Variants in SLC25A11 observed in about 807,000 individuals in gnomAD.
SLC25A11 encodes solute carrier family 25 member 11, also known as mitochondrial 2-oxoglutarate/malate carrier protein.
In SLC25A11, 11 loss-of-function variants were observed where a neutral mutation model predicts 32.7. The observed-to-expected ratio is 0.34, with a 90% CI of 0.21 to 0.56. SLC25A11 has a LOEUF of 0.56. SLC25A11 is among the 20% of genes least tolerant of loss of function. The pLI, the probability that SLC25A11 is intolerant of heterozygous loss-of-function variation, is 0.90. For synonymous variants in SLC25A11, 163 were observed against 168.3 expected, an observed-to-expected ratio of 0.97 and a Z score of 0.24; for missense variants, 295 against 426.3, an observed-to-expected ratio of 0.69 and a Z score of 2.71.
At position 4,938,032 on chromosome 17, in the gene SLC25A11, C is replaced by T. The variant is rs1567650622; in HGVS notation, c.780G>A (p.Lys260=). The part of the protein sequence containing the change: ...MRMIDGKPEY[K]NGLDVLFKVV... ...AGAATGGCTTCCTCACCAGCCCGTTCTTGTATTCCGGCTTCCCATCAATCA... is the reference window on the plus strand; with the variant it reads ...AGAATGGCTTCCTCACCAGCCCGTTTTTGTATTCCGGCTTCCCATCAATCA... The change falls in exon 7 of 8, where the codon AAG becomes AAA. Residue 260 remains lysine, a synonymous_variant. Transcript: ENST00000225665. This position sits in a 1 kb window ranked among gnomAD's most constrained non-coding sequence, Gnocchi z 7.6. 1 of 1,614,186 alleles carries T rather than the reference C, an allele frequency of 6.2e-7. No individual in the cohort carries two copies. Among genetic ancestry groups the T allele is most frequent in the Non-Finnish European group, 8.5e-7 (1 of 1,180,032 alleles).
In SLC25A11 at chr17:4,938,481, C is replaced by A; in HGVS notation, c.546+31G>T. 1 of 1,613,594 alleles carries A rather than the reference C, an allele frequency of 6.2e-7. No individual in the cohort carries two copies. Among genetic ancestry groups the A allele is most frequent in the East Asian group, 2.2e-5 (1 of 44,882 alleles). On this transcript the variant is annotated intron_variant, in intron 4 of 7. Coordinates refer to ENST00000225665, the MANE Select transcript of SLC25A11 (RefSeq NM_003562.5). The surrounding 1 kb of genome is among the most constrained non-coding windows in gnomAD (Gnocchi z 7.6). ...CAGAAACCCCTAAAACCAGACCTCACAGCCCCCAAGTCTCCAGCCCCTCCA... is the reference window on the plus strand; with the variant it reads ...CAGAAACCCCTAAAACCAGACCTCAAAGCCCCCAAGTCTCCAGCCCCTCCA...
In SLC25A11 at chr17:4,939,321, A is replaced by C; in HGVS notation, c.96-109T>G. ...AAGGTCAGGGCCTGCCATGCGATTCAAGAATCAGGATGCTGGTGAGCATGT... is the reference window on the plus strand; with the variant it reads ...AAGGTCAGGGCCTGCCATGCGATTCCAGAATCAGGATGCTGGTGAGCATGT... On this transcript the variant is annotated intron_variant, in intron 1 of 7. Coordinates refer to ENST00000225665, the MANE Select transcript of SLC25A11 (RefSeq NM_003562.5). This position sits in a 1 kb window ranked among gnomAD's most constrained non-coding sequence, Gnocchi z 4.1. 10 of 1,216,444 alleles carry C rather than the reference A, an allele frequency of 8.2e-6. No homozygotes were observed. In the South Asian group the frequency reaches 1.3e-4, roughly 16 times the overall value. 75.4% of individuals were successfully genotyped at this position (1,216,444 alleles called of 1,614,324 possible).
intron 7 of SLC25A11, 29 bp from the exon 8 acceptor site, chr17:4,937,925 C>G (rs1454833183): frequency 6.2e-7 from 1 of 1,612,348 alleles, no homozygotes; most frequent in South Asian, 1.1e-5. Flanking sequence ...GGCGCTGGGG[C>G]TAGGACTCTA....
intron 7 of SLC25A11, 45 bp from the exon 8 acceptor site, chr17:4,937,941 C>T: frequency 1.2e-6 from 2 of 1,612,906 alleles, no homozygotes; most frequent in Non-Finnish European, 1.7e-6. Flanking sequence ...CTCTAGGTCC[C>T]CATCCCCCTC....
Position 4,937,755 on chromosome 17 carries a change from A to G in SLC25A11, c.931T>C (p.Phe311Leu). Residue 311 changes from phenylalanine (F) to leucine (L), a missense_variant, in exon 8 of 8, where the codon TTC becomes CTC. By Grantham distance (22) the Phe-to-Leu change is conservative. Coordinates refer to ENST00000225665, the MANE Select transcript of SLC25A11 (RefSeq NM_003562.5). Reference protein sequence around the residue: ...EQMNKAYKRLFLSG With the variant: ...EQMNKAYKRLLLSG ...CCCCGGCCGCTTCAGCCACTGAGGA[A>G]GAGACGCTTGTAGGCCTTGTTCATC... 1 of 1,609,804 alleles carries G rather than the reference A, an allele frequency of 6.2e-7. No homozygotes were observed.
rs180950304 is a variant in SLC25A11, at chr17:4,939,364, T to A, written c.96-152A>T. 9 of 838,264 alleles carry A rather than the reference T, an allele frequency of 1.1e-5. No individual in the cohort carries two copies. Among genetic ancestry groups the A allele is most frequent in the African/African-American group, 5.2e-5 (3 of 57,936 alleles). 51.9% of individuals were successfully genotyped at this position (838,264 alleles called of 1,614,324 possible). A position where few individuals can be genotyped will look rare whatever the true frequency, so the allele number is the denominator to read the frequency against. Reference sequence around the variant, plus strand: ...GAGCATGTGTATAAGAGTCTATATGTACACCAAGTGCAACGGGTCTGAAAA... The same window carrying A: ...GAGCATGTGTATAAGAGTCTATATGAACACCAAGTGCAACGGGTCTGAAAA... On this transcript the variant is annotated intron_variant, in intron 1 of 7. Transcript: ENST00000225665. This position sits in a 1 kb window ranked among gnomAD's most constrained non-coding sequence, Gnocchi z 4.1.
Position 4,938,249 on chromosome 17 carries a change from G to A in SLC25A11, c.642C>T (p.Tyr214=). The change falls in exon 6 of 8, where the codon TAC becomes TAT. Residue 214 remains tyrosine (Y), a synonymous_variant. Coordinates refer to ENST00000225665, the MANE Select transcript of SLC25A11 (RefSeq NM_003562.5). The surrounding 1 kb of genome is among the most constrained non-coding windows in gnomAD (Gnocchi z 7.6). ...QSKQFLLDSG[Y]FSDNILCHFC... ...AGTGGCACAAGATGTTGTCAGAGAA[G>A]TAGCCTGGGGGAGGTGAGGCGGGGG... 1.2e-6 allele frequency: 2 copies of A among 1,613,542 alleles called. No individual in the cohort carries two copies. Among genetic ancestry groups the A allele is most frequent in the Admixed American group, 3.3e-5 (2 of 59,936 alleles).
In SLC25A11 at chr17:4,939,047, G is replaced by A. The variant is rs751632644; in HGVS notation, c.248+13C>T. The A allele has an allele frequency of 1.9e-6, 3 of 1,614,202 alleles. No homozygotes were observed. The South Asian group carries it at 3.3e-5, about 18-fold the overall frequency. On this transcript the variant is annotated intron_variant, in intron 2 of 7. Transcript: ENST00000225665. The surrounding 1 kb of genome is among the most constrained non-coding windows in gnomAD (Gnocchi z 4.1). ...CAACCCACAGTCTACCCTCCATCCT[G>A]AGGCCCCAATACCCAGTGTAAATGC...
rs1383673817 is a variant in SLC25A11, at chr17:4,939,101, G to A, written c.207C>T (p.Thr69=). The change falls in exon 2 of 8, where the codon ACC becomes ACT. Residue 69 remains threonine (T), a synonymous_variant. Coordinates refer to ENST00000225665, the MANE Select transcript of SLC25A11 (RefSeq NM_003562.5). The surrounding 1 kb of genome is among the most constrained non-coding windows in gnomAD (Gnocchi z 4.1). ...REYKTSFHAL[T]SILKAEGLRG... ...TCAGGCCTTCTGCCTTCAGGATACT[G>A]GTGAGGGCATGGAAGCTGGTTTTGT... is the stretch of plus-strand genomic sequence containing the variant. 6.2e-7 allele frequency: 1 copy of A among 1,614,112 alleles called. No individual in the cohort carries two copies. The highest frequency in any genetic ancestry group is 8.5e-7 in the Non-Finnish European group (1 of 1,180,056).
At position 4,937,181 on chromosome 17, in the gene SLC25A11, C is replaced by G. The variant is rs1455648460; in HGVS notation, c.*560G>C. On this transcript the variant is annotated 3_prime_UTR_variant, in exon 8 of 8. Transcript: ENST00000225665. ...GCTGTGGCATGACAGATTTATACAG[C>G]ATTTGCAAAAAACCAGCGGCTGCTT... The G allele has an allele frequency of 6.6e-6, 1 of 152,232 alleles. No homozygotes were observed. Among genetic ancestry groups the G allele is most frequent in the Non-Finnish European group, 1.5e-5 (1 of 68,072 alleles). The allele number at this position is 152,232 out of a possible 1,614,324, so 9.4% of individuals were successfully genotyped here. A position where few individuals can be genotyped will look rare whatever the true frequency, so the allele number is the denominator to read the frequency against.
Position 4,939,341 on chromosome 17 carries a change from G to GCA in SLC25A11, c.96-131_96-130dup. ...GATTCAAGAATCAGGATGCTGGTGAGCATGTGTATAAGAGTCTATATGTAC... is the reference window on the plus strand; with the variant it reads ...GATTCAAGAATCAGGATGCTGGTGAGCACATGTGTATAAGAGTCTATATGTAC... On this transcript the variant is annotated intron_variant, in intron 1 of 7. Transcript: ENST00000225665. This position sits in a 1 kb window ranked among gnomAD's most constrained non-coding sequence, Gnocchi z 4.1. The GCA allele has an allele frequency of 9.4e-7, 1 of 1,065,262 alleles. No individual in the cohort carries two copies. Among genetic ancestry groups the GCA allele is most frequent in the Non-Finnish European group, 1.3e-6 (1 of 752,644 alleles). 66.0% of individuals were successfully genotyped at this position (1,065,262 alleles called of 1,614,324 possible).
At position 4,938,721 on chromosome 17, in the gene SLC25A11, T is replaced by G. The variant is rs1243314869; in HGVS notation, c.455+48A>C. On this transcript the variant is annotated intron_variant, in intron 3 of 7. Transcript: ENST00000225665. This position sits in a 1 kb window ranked among gnomAD's most constrained non-coding sequence, Gnocchi z 7.6. ...GGATAAAAAACTGGTCCTTTCATTC[T>G]AGATTCGAGGGAATGGGGCTGGGGT... is the stretch of plus-strand genomic sequence containing the variant. 1.2e-5 allele frequency: 19 copies of G among 1,595,968 alleles called. No individual in the cohort carries two copies. Among genetic ancestry groups the G allele is most frequent in the Non-Finnish European group, 1.6e-5 (19 of 1,166,630 alleles).
Position 4,939,040 on chromosome 17 carries a change from C to G in SLC25A11, c.248+20G>C. 1.2e-6 allele frequency: 2 copies of G among 1,614,228 alleles called. No homozygotes were observed. Among genetic ancestry groups the G allele is most frequent in the Non-Finnish European group, 1.7e-6 (2 of 1,180,036 alleles). Reference sequence around the variant, plus strand: ...GAGCTGCCAACCCACAGTCTACCCTCCATCCTGAGGCCCCAATACCCAGTG... The same window carrying G: ...GAGCTGCCAACCCACAGTCTACCCTGCATCCTGAGGCCCCAATACCCAGTG... On this transcript the variant is annotated intron_variant, in intron 2 of 7. Coordinates refer to ENST00000225665, the MANE Select transcript of SLC25A11 (RefSeq NM_003562.5). The surrounding 1 kb of genome is among the most constrained non-coding windows in gnomAD (Gnocchi z 4.1).
Position 4,939,771 on chromosome 17 carries a change from C to T in SLC25A11, c.95+45G>A. On this transcript the variant is annotated intron_variant, in intron 1 of 7. Coordinates refer to ENST00000225665, the MANE Select transcript of SLC25A11 (RefSeq NM_003562.5). This position sits in a 1 kb window ranked among gnomAD's most constrained non-coding sequence, Gnocchi z 4.1. ...GATGAACCGGGCCCGGTTCCTTTTG[C>T]CCTTCCCTTCCTCCTCTTTTCCCAT... 6.6e-7 allele frequency: 1 copy of T among 1,514,448 alleles called. No homozygotes were observed. The highest frequency in any genetic ancestry group is 9.1e-7 in the Non-Finnish European group (1 of 1,095,172). The allele number at this position is 1,514,448 out of a possible 1,614,324, so 93.8% of individuals were successfully genotyped here.
rs1231970106 is a variant in SLC25A11, at chr17:4,939,362, T to C, written c.96-150A>G. 5.8e-6 allele frequency: 5 copies of C among 867,416 alleles called. No homozygotes were observed. In the Admixed American group the frequency reaches 8.6e-5, roughly 15 times the overall value. 53.7% of individuals were successfully genotyped at this position (867,416 alleles called of 1,614,324 possible). A position where few individuals can be genotyped will look rare whatever the true frequency, so the allele number is the denominator to read the frequency against. On this transcript the variant is annotated intron_variant, in intron 1 of 7. Coordinates refer to ENST00000225665, the MANE Select transcript of SLC25A11 (RefSeq NM_003562.5). This position sits in a 1 kb window ranked among gnomAD's most constrained non-coding sequence, Gnocchi z 4.1. ...GTGAGCATGTGTATAAGAGTCTATA[T>C]GTACACCAAGTGCAACGGGTCTGAA...
Position 4,939,441 on chromosome 17 carries a change from T to A in SLC25A11, c.96-229A>T, listed in dbSNP as rs1263870888. 1 of 597,356 alleles carries A rather than the reference T, an allele frequency of 1.7e-6. No homozygotes were observed. The allele number at this position is 597,356 out of a possible 1,614,324, so 37.0% of individuals were successfully genotyped here. ...AATGAAAGTGCTCCAAGCAGCTTCA[T>A]GACAGTCAAGCAGTGACCTGGGGCT... On this transcript the variant is annotated intron_variant, in intron 1 of 7. Coordinates refer to ENST00000225665, the MANE Select transcript of SLC25A11 (RefSeq NM_003562.5). The surrounding 1 kb of genome is among the most constrained non-coding windows in gnomAD (Gnocchi z 4.1).
rs531242743 is a variant in SLC25A11 at position 4,939,494 on chromosome 17, G to A, written c.96-282C>T. ...ACGCAGTCCGACACAGGGAGGGGAG[G>A]AAGGGGCATCCAAGATTTAGGACTC... On this transcript the variant is annotated intron_variant, in intron 1 of 7. Transcript: ENST00000225665. The surrounding 1 kb of genome is among the most constrained non-coding windows in gnomAD (Gnocchi z 4.1). 6.0e-4 allele frequency: 344 copies of A among 575,998 alleles called. 1 individual carries two copies. Among genetic ancestry groups the A allele is most frequent in the Middle Eastern group, 4.6e-4 (1 of 2,194 alleles). The allele number at this position is 575,998 out of a possible 1,614,324, so 35.7% of individuals were successfully genotyped here.
At chr17:4,937,920 T>A in intron 7 of SLC25A11, 24 bp from the exon 8 acceptor site, 1 of 1,612,474 alleles carries the variant, frequency 6.2e-7, no homozygotes, top group African/African-American at 1.3e-5. Flanking sequence ...GGCAGGGCGC[T>A]GGGGCTAGGA....
At position 4,937,355 on chromosome 17, in the gene SLC25A11, G is replaced by A. The variant is rs1015824965; in HGVS notation, c.*386C>T. ...TTATTAAGTCCTCAATGAGGGGGAGGAAGGGCCACATCTCCCTCTGCAGGC... is the reference window on the plus strand; with the variant it reads ...TTATTAAGTCCTCAATGAGGGGGAGAAAGGGCCACATCTCCCTCTGCAGGC... On this transcript the variant is annotated 3_prime_UTR_variant, in exon 8 of 8. Coordinates refer to ENST00000225665, the MANE Select transcript of SLC25A11 (RefSeq NM_003562.5). 2 of 164,926 alleles carry A rather than the reference G, an allele frequency of 1.2e-5. No homozygotes were observed. Among genetic ancestry groups the A allele is most frequent in the African/African-American group, 4.8e-5 (2 of 41,790 alleles). 10.2% of individuals were successfully genotyped at this position (164,926 alleles called of 1,614,324 possible).
Sources: allele counts gnomAD v4.1 joint callset, GRCh38; gene constraint gnomAD v4.1.1; non-coding constraint Gnocchi (gnomAD v3.1); transcripts MANE v1.5; gene names NCBI Gene and HGNC (gene_info 2026-07-23, HGNC 2026-07-21).